Variants in ADGRF5 observed in about 807,000 individuals in gnomAD.
ADGRF5 encodes G-protein coupled receptor 116.
A neutral mutation model predicts 132.3 loss-of-function variants in ADGRF5; 75 were observed. The ratio of observed to expected loss-of-function variants is 0.57; its 90% CI spans 0.47 to 0.69. ADGRF5 has a LOEUF of 0.69. Ranked by LOEUF, ADGRF5 falls within the 30% of genes least tolerant of loss-of-function variation. The probability of loss-of-function intolerance (pLI) is 0.00; values close to 1 mark genes in which losing one functional copy is unlikely to be tolerated. For missense variants in ADGRF5, 1,516 were observed against 1,630.6 expected (o/e 0.93, Z 1.21); for synonymous variants, 629 against 597.6 (o/e 1.05, Z -0.77).
At chr6:46,869,306 C>T (rs1044773984) in intron 11 of ADGRF5, 2 of 1,407,016 alleles carry the variant, frequency 1.4e-6, no homozygotes, top group African/African-American at 2.9e-5. Context: ...CTGCACTGTA[C>T]TCATTTCCAT....
upstream of ADGRF5, among the ~76,000 whole-genome samples, chr6:46,924,956 C>T (rs532606883): frequency 7.9e-5 from 12 of 152,326 alleles, no homozygotes; most frequent in Non-Finnish European, 1.5e-4. Context: ...GGATAATCAC[C>T]AGTGTCTTAT....
intron 10 of ADGRF5, among the ~76,000 whole-genome samples, chr6:46,877,265 TTCTTTCTTTCTTTCTTTCTTTCTTTCTC>T (rs1174604471): frequency 1.3e-4 from 5 of 38,940 alleles, no homozygotes; most frequent in East Asian, 5.3e-4. Context: ...CTTTCTTTCT[TTCTTTCTTTCTTTCTTTCTTTCTTTCTC>T]TCTCTCTCTC....
Position 46,871,856 on chromosome 6 carries a change from T to G in ADGRF5, c.1398A>C (p.Thr466=). 6.3e-7 allele frequency: 1 copy of G among 1,597,400 alleles called. No homozygotes were observed. Among genetic ancestry groups the G allele is most frequent in the Non-Finnish European group, 8.6e-7 (1 of 1,167,124 alleles). The part of the protein sequence containing the change: ...GARGSANIKV[T]FISVANLTIT... ...GAGAGTCCTTACCCACAGAGATGAATGTCACTTTTATGTTTGCACTGCCTC... is the reference window on the plus strand; with the variant it reads ...GAGAGTCCTTACCCACAGAGATGAAGGTCACTTTTATGTTTGCACTGCCTC... The change falls in exon 11 of 21, where the codon ACA becomes ACC. Residue 466 remains threonine, a synonymous_variant. Transcript: ENST00000283296.
At chr6:46,869,369 G>A in intron 11 of ADGRF5, 8 of 985,338 alleles carry the variant, frequency 8.1e-6, no homozygotes, top group Non-Finnish European at 9.6e-6. Context: ...ATTATCTCCT[G>A]ATGATCAGCA....
At chr6:46,925,886 A>G (rs1332562881), upstream of ADGRF5, among the ~76,000 whole-genome samples, 3 of 152,306 alleles carry the variant, frequency 2.0e-5, no homozygotes, top group East Asian at 1.9e-4. Flanking sequence ...TCCTACCTTC[A>G]TATCTTGGCA....
chr6:46,877,279 CT>C (rs59698674), intron 10 of ADGRF5, among the ~76,000 whole-genome samples: 14 of 48,406 alleles, frequency 2.9e-4, no homozygotes, highest in African/African-American at 1.1e-3. Context: ...TTCTTTCTTT[CT>C]TTCTTTCTTT....
intron 3 of ADGRF5, among the ~76,000 whole-genome samples, chr6:46,895,504 A>G (rs936491389): frequency 6.6e-6 from 1 of 151,404 alleles, no homozygotes; most frequent in Non-Finnish European, 1.5e-5. Context: ...GGGCCAGCAC[A>G]CCCAGGTTGC....
At chr6:46,939,769 C>G (rs1174577542) in intron 1 of ADGRF5, among the ~76,000 whole-genome samples, 3 of 152,076 alleles carry the variant, frequency 2.0e-5, no homozygotes, top group African/African-American at 7.2e-5. Context: ...TGTATTTAGC[C>G]CATTTTTTCT....
chr6:46,868,778 G>A, intron 12 of ADGRF5, 105 bp downstream of exon 12: 1 of 691,620 alleles, frequency 1.4e-6, no homozygotes, highest in Non-Finnish European at 2.5e-6. Flanking sequence ...ATTTAAAGTG[G>A]TTGGCATAGG....
Position 46,876,905 on chromosome 6 carries a change from T to C in ADGRF5, c.1240+1297A>G, listed in dbSNP as rs529630572. Among the ~76,000 whole-genome samples, 6 of 152,288 alleles carry C rather than the reference T, an allele frequency of 3.9e-5. No homozygotes were observed. In the South Asian group the frequency reaches 6.2e-4, roughly 16 times the overall value. ...CAGGCGTGAGCCACCGCCCCTGTTC[T>C]GATAATTTTTTAAAAATAATTTAAT... On this transcript the variant is annotated intron_variant, in intron 10 of 20. Transcript: ENST00000283296.
At chr6:46,889,453 A>G (rs1349852785) in intron 3 of ADGRF5, among the ~76,000 whole-genome samples, 1 of 147,090 alleles carries the variant, frequency 6.8e-6, no homozygotes, top group African/African-American at 2.5e-5. Flanking sequence ...TAGTATATAT[A>G]CTAAAGTCTA....
At position 46,854,045 on chromosome 6, in the gene ADGRF5, C is replaced by T. The variant is rs775683084; in HGVS notation, c.3988G>A (p.Ala1330Thr). 4 of 1,603,560 alleles carry T rather than the reference C, an allele frequency of 2.5e-6. No homozygotes were observed. The highest frequency in any genetic ancestry group is 3.4e-6 in the Non-Finnish European group (4 of 1,176,520). ...TGTYNVSTPE[A>T]TSSSLENSSS... ...GAGTTTTCCAGGGATGAGCTGGTTGCTTCTGGGGTGGAAACATTATACGTT... is the reference window on the plus strand; with the variant it reads ...GAGTTTTCCAGGGATGAGCTGGTTGTTTCTGGGGTGGAAACATTATACGTT... The change falls in exon 21 of 21, where the codon GCA becomes ACA. Residue 1330 changes from alanine (A) to threonine (T), a missense_variant. By Grantham distance (58) the Ala-to-Thr change is moderately conservative (BLOSUM62 0). Coordinates refer to ENST00000283296, the MANE Select transcript of ADGRF5 (RefSeq NM_001098518.2).
intron 4 of ADGRF5, among the ~76,000 whole-genome samples, chr6:46,885,194 C>CAAAAAA (rs55947622): frequency 8.1e-6 from 1 of 123,874 alleles, no homozygotes; most frequent in Non-Finnish European, 1.7e-5. Flanking sequence ...GACCCTGTCT[C>CAAAAAA]AAAAAAAAAA....
chr6:46,931,310 A>G (rs1291536703), intron 1 of ADGRF5, among the ~76,000 whole-genome samples: 4 of 151,476 alleles, frequency 2.6e-5, no homozygotes, highest in Admixed American at 6.6e-5. Flanking sequence ...GCTCTTCACT[A>G]AAAAGCCAAA....
At chr6:46,908,474 C>G (rs1459854991) in intron 1 of ADGRF5, among the ~76,000 whole-genome samples, 1 of 152,076 alleles carries the variant, frequency 6.6e-6, no homozygotes, top group African/African-American at 2.4e-5. Context: ...GTTAATGAGC[C>G]TCCCTTCGAA....
chr6:46,950,555 G>A lies in ADGRF5; in HGVS notation c.-25+4179C>T, dbSNP rs148907656. On this transcript the variant is annotated intron_variant, in intron 1 of 20. Transcript: ENST00000265417. The stretch of plus-strand genomic sequence containing the variant: ...TTTTGAGACAGAGTCTTGCCCTGTC[G>A]CCAGGCTGGAGTGCAGTGGCACAAT... 1.0e-2 allele frequency among the ~76,000 whole-genome samples: 1,516 copies of A among 152,020 alleles called. 29 individuals are homozygous for A. The highest frequency in any genetic ancestry group is 0.033 in the African/African-American group (1,367 of 41,452).
intron 2 of ADGRF5, among the ~76,000 whole-genome samples, chr6:46,903,263 A>T (rs1161941117): frequency 6.6e-6 from 1 of 152,162 alleles, no homozygotes; most frequent in Non-Finnish European, 1.5e-5. Flanking sequence ...TATTTACTTC[A>T]GACAAGAAAA....
At chr6:46,866,186 T>C (rs536666893) in intron 13 of ADGRF5, among the ~76,000 whole-genome samples, 1 of 152,294 alleles carries the variant, frequency 6.6e-6, no homozygotes, top group South Asian at 2.1e-4. Flanking sequence ...ACAAAGGAAA[T>C]ATAAATTCAA....
At chr6:46,945,792 T>G (rs184278340) in intron 1 of ADGRF5, among the ~76,000 whole-genome samples, 4 of 152,320 alleles carry the variant, frequency 2.6e-5, no homozygotes, top group Admixed American at 6.5e-5. Flanking sequence ...TTTAATGGAC[T>G]CACATTTCCA....
Sources: gnomAD v4.1 joint callset for allele counts (sites outside exome capture counted in the v4.1 genomes callset) on GRCh38, gnomAD v4.1.1 for gene constraint, MANE v1.5 for transcripts, NCBI Gene and HGNC (gene_info 2026-07-23, HGNC 2026-07-21) for gene names.